The following FHIT variants were observed in gnomAD, a reference collection of about 807,000 sequenced individuals.
The protein encoded by FHIT is bis(5'-adenosyl)-triphosphatase.
FHIT carries 19 observed loss-of-function variants against 17.9 expected under a neutral mutation model. The observed-to-expected ratio is 1.06, with a 90% CI of 0.74 to 1.56. FHIT has a LOEUF of 1.56. Among genes scored for constraint, FHIT ranks in the 40% most tolerant of loss-of-function variants. The probability of loss-of-function intolerance (pLI) is 0.00; values close to 1 mark genes in which losing one functional copy is unlikely to be tolerated. For synonymous variants in FHIT, 81 were observed against 69.7 expected (o/e 1.16, Z -0.81); for missense variants, 248 against 189.2 (o/e 1.31, Z -1.82).
chr3:60,418,407 T>C (rs1233158086), intron 5 of FHIT, among the ~76,000 whole-genome samples: 1 of 133,100 alleles, frequency 7.5e-6, no homozygotes, highest in Admixed American at 7.4e-5. Context: ...TATATATATA[T>C]ATATATATAT....
intron 3 of FHIT, among the ~76,000 whole-genome samples, chr3:60,921,288 G>A (rs1707266458): frequency 6.6e-6 from 1 of 152,144 alleles, no homozygotes; most frequent in African/African-American, 2.4e-5. Context: ...CTATATGCTG[G>A]TATTGTATAG....
intron 8 of FHIT, among the ~76,000 whole-genome samples, chr3:59,758,343 T>TAACA (rs1460820834): frequency 2.0e-5 from 3 of 152,184 alleles, no homozygotes; most frequent in Admixed American, 6.5e-5. Context: ...AGGCAGCTAC[T>TAACA]AACAAACATG....
Position 60,037,068 on chromosome 3 carries a change from A to C in FHIT, c.104-22916T>G, listed in dbSNP as rs370128768. On this transcript the variant is annotated intron_variant, in intron 5 of 9. Transcript: ENST00000492590. Reference sequence around the variant, plus strand: ...CAGTTCTGGGGAACATCGTAGACCAACGTCACCTTGTCACGGTCCGACGTT... The same window carrying C: ...CAGTTCTGGGGAACATCGTAGACCACCGTCACCTTGTCACGGTCCGACGTT... Among the ~76,000 whole-genome samples, 361 of 152,334 alleles carry C rather than the reference A, an allele frequency of 2.4e-3. 2 individuals carry two copies. Among genetic ancestry groups the C allele is most frequent in the African/African-American group, 8.1e-3 (337 of 41,580 alleles).
At chr3:60,381,205 C>T (rs368511001) in intron 5 of FHIT, among the ~76,000 whole-genome samples, 1 of 152,178 alleles carries the variant, frequency 6.6e-6, no homozygotes, top group Non-Finnish European at 1.5e-5. Flanking sequence ...AGGCTGGGCA[C>T]GGTGGCTCAC....
At chr3:61,012,469 A>G (rs766188828) in intron 3 of FHIT, among the ~76,000 whole-genome samples, 21 of 152,160 alleles carry the variant, frequency 1.4e-4, no homozygotes, top group Non-Finnish European at 2.6e-4. Flanking sequence ...AAAAAATTCA[A>G]TGACATAAAA....
intron 4 of FHIT, among the ~76,000 whole-genome samples, chr3:60,638,179 C>A (rs2039637066): frequency 6.6e-6 from 1 of 152,186 alleles, no homozygotes; most frequent in Non-Finnish European, 1.5e-5. Flanking sequence ...AAATTAAACA[C>A]TTACCCTGCC....
At chr3:60,345,702 G>A (rs1318213007) in intron 5 of FHIT, among the ~76,000 whole-genome samples, 2 of 152,128 alleles carry the variant, frequency 1.3e-5, no homozygotes, top group African/African-American at 4.8e-5. Context: ...TAGGAACACA[G>A]TGCTAAATTC....
At chr3:60,075,283 G>A (rs1290669193) in intron 5 of FHIT, among the ~76,000 whole-genome samples, 2 of 151,954 alleles carry the variant, frequency 1.3e-5, no homozygotes, top group African/African-American at 2.4e-5. Flanking sequence ...AGGGTGATGG[G>A]GTATGGGCAC....
chr3:60,319,524 G>C (rs1435171993), intron 5 of FHIT, among the ~76,000 whole-genome samples: 1 of 152,168 alleles, frequency 6.6e-6, no homozygotes, highest in East Asian at 1.9e-4. Flanking sequence ...CCAGTAAAAG[G>C]GCAGAGACAT....
intron 5 of FHIT, among the ~76,000 whole-genome samples, chr3:60,023,886 A>C (rs1700641929): frequency 6.6e-6 from 1 of 152,156 alleles, no homozygotes; most frequent in South Asian, 2.1e-4. Flanking sequence ...CTAATGAATA[A>C]TTTCTTCAAA....
At chr3:61,212,345 C>T (rs34515056) in intron 1 of FHIT, among the ~76,000 whole-genome samples, 59,451 of 151,906 alleles carry the variant, frequency 0.39, 11,938 homozygotes, top group East Asian at 0.52. Context: ...ACGAGAACTA[C>T]GTGAAGAATG....
At chr3:61,082,929 A>G (rs1449212856) in intron 2 of FHIT, among the ~76,000 whole-genome samples, 1 of 152,172 alleles carries the variant, frequency 6.6e-6, no homozygotes, top group Non-Finnish European at 1.5e-5. Flanking sequence ...AAGATCAGAC[A>G]AGATTGGATG....
At chr3:60,304,716 C>A (rs1470895073) in intron 5 of FHIT, among the ~76,000 whole-genome samples, 1 of 152,014 alleles carries the variant, frequency 6.6e-6, no homozygotes, top group African/African-American at 2.4e-5. Flanking sequence ...ATCTGAAATT[C>A]AAATTCAGCT....
intron 4 of FHIT, among the ~76,000 whole-genome samples, chr3:60,655,955 C>T (rs1287537082): frequency 6.6e-6 from 1 of 152,186 alleles, no homozygotes; most frequent in African/African-American, 2.4e-5. Context: ...AGCCTGGTGT[C>T]CATGTTATTT....
chr3:60,901,850 C>T (rs1280638215), intron 3 of FHIT, among the ~76,000 whole-genome samples: 5 of 152,094 alleles, frequency 3.3e-5, no homozygotes, highest in African/African-American at 1.2e-4. Flanking sequence ...CACTGAGAAC[C>T]ACTCATCTAG....
intron 8 of FHIT, among the ~76,000 whole-genome samples, chr3:59,834,015 A>T (rs1295220824): frequency 6.6e-6 from 1 of 152,204 alleles, no homozygotes; most frequent in Non-Finnish European, 1.5e-5. Flanking sequence ...CTTTACTTAT[A>T]AACTATTCCA....
Position 60,140,134 on chromosome 3 carries a change from T to A in FHIT, c.104-125982A>T, listed in dbSNP as rs146696519. ...AGATTCCATCTCGAAAAAAAAAAAA[T>A]TGGTTAATTGTAGATTACAGATTGA... On this transcript the variant is annotated intron_variant, in intron 5 of 9. Transcript: ENST00000492590. 3.7e-3 allele frequency among the ~76,000 whole-genome samples: 559 copies of A among 151,104 alleles called. 1 individual carries two copies. Among genetic ancestry groups the A allele is most frequent in the African/African-American group, 0.013 (520 of 40,954 alleles).
At chr3:60,280,022 ACT>A (rs1000498306) in intron 5 of FHIT, among the ~76,000 whole-genome samples, 1 of 119,426 alleles carries the variant, frequency 8.4e-6, no homozygotes, top group Non-Finnish European at 1.8e-5. Context: ...ACAGAACGAG[ACT>A]CTGTCTCAAA....
intron 3 of FHIT, among the ~76,000 whole-genome samples, chr3:60,998,350 G>A (rs2030821229): frequency 6.6e-6 from 1 of 152,188 alleles, no homozygotes; most frequent in African/African-American, 2.4e-5. Flanking sequence ...GTAAATATTT[G>A]TAATAGGTAC....
Sources: gnomAD v4.1 joint callset for allele counts (sites outside exome capture counted in the v4.1 genomes callset) on GRCh38, gnomAD v4.1.1 for gene constraint, MANE v1.5 for transcripts, NCBI Gene and HGNC (gene_info 2026-07-23, HGNC 2026-07-21) for gene names.